The following GLP2R variants were observed in gnomAD, a reference collection of about 807,000 sequenced individuals.
The protein encoded by GLP2R is glucagon like peptide 2 receptor, also known as glucagon-like peptide 2 receptor.
Under a neutral mutation model 68.2 loss-of-function variants are expected in GLP2R, and 59 were observed. The observed-to-expected ratio is 0.87, with a 90% CI of 0.70 to 1.07. The LOEUF is 1.07. Among genes scored for constraint, GLP2R ranks in the 50% least tolerant of loss-of-function variants. The pLI, the probability that GLP2R is intolerant of heterozygous loss-of-function variation, is 0.00. For synonymous variants in GLP2R, 270 were observed against 265.4 expected (o/e 1.02, Z -0.17); for missense variants, 548 against 677.4 (o/e 0.81, Z 2.12).
Position 9,861,183 on chromosome 17 carries a change from C to A in GLP2R, c.970C>A (p.His324Asn). 1 of 1,612,080 alleles carries A rather than the reference C, an allele frequency of 6.2e-7. No individual in the cohort carries two copies. The highest frequency in any genetic ancestry group is 8.5e-7 in the Non-Finnish European group (1 of 1,178,190). The stretch of plus-strand genomic sequence containing the variant: ...TGTACCCTGGGGTTTCGCCCGTGCA[C>A]ACCTGGAGAACACAGGGTAGGTAAT... The part of the protein sequence containing the change: ...FVVPWGFARA[H>N]LENTGCWTTN... Residue 324 changes from histidine (H) to asparagine (N), a missense_variant, in exon 8 of 13, where the codon CAC (histidine) becomes AAC (asparagine). Physicochemically the swap from His to Asn is moderately conservative, Grantham distance 68. Coordinates refer to ENST00000262441, the MANE Select transcript of GLP2R (RefSeq NM_004246.3).
chr17:9,857,559 A>T lies in GLP2R; in HGVS notation c.748A>T (p.Met250Leu), dbSNP rs1316442721. ...SKRPDNENGWMSYLSEMSTSC... is the reference protein window; with the variant it reads ...SKRPDNENGWLSYLSEMSTSC... ...GAGGCCTGACAATGAGAATGGGTGG[A>T]TGTCCTACCTGTCAGAGGTAATCCC... is the stretch of plus-strand genomic sequence containing the variant. The change falls in exon 6 of 13, where the codon ATG (methionine) becomes TTG (leucine). Residue 250 changes from methionine to leucine, a missense_variant. Coordinates refer to ENST00000262441, the MANE Select transcript of GLP2R (RefSeq NM_004246.3). The T allele has an allele frequency of 1.2e-6, 2 of 1,614,056 alleles. No individual in the cohort carries two copies. Among genetic ancestry groups the T allele is most frequent in the African/African-American group, 1.3e-5 (1 of 74,922 alleles).
chr17:9,884,078 A>G (rs977146213), intron 11 of GLP2R, among the ~76,000 whole-genome samples: 1 of 152,230 alleles, frequency 6.6e-6, no homozygotes, highest in Admixed American at 6.5e-5. Flanking sequence ...ATATATGACA[A>G]GAATATCACA....
intron 4 of GLP2R, among the ~76,000 whole-genome samples, chr17:9,850,019 A>G (rs1156666702): frequency 6.6e-6 from 1 of 152,154 alleles, no homozygotes; most frequent in Non-Finnish European, 1.5e-5. Context: ...TAGAAGTGGG[A>G]TCACTGGATT....
In GLP2R at chr17:9,890,325, T is replaced by C. The variant is rs866316130; in HGVS notation, c.*620T>C. 7 of 312,036 alleles carry C rather than the reference T, an allele frequency of 2.2e-5. No individual in the cohort carries two copies. The highest frequency in any genetic ancestry group is 1.5e-4 in the African/African-American group (7 of 45,512). The allele number at this position is 312,036 out of a possible 1,614,324, so 19.3% of individuals were successfully genotyped here. On this transcript the variant is annotated 3_prime_UTR_variant, in exon 13 of 13. Transcript: ENST00000262441. ...GCAAGAGACAGTCTGCTCTCCCAGG[T>C]CAGCTGGGGTGTGCCTGCCCTCCTT...
intron 4 of GLP2R, among the ~76,000 whole-genome samples, chr17:9,845,800 C>CA (rs2066832567): frequency 6.7e-6 from 1 of 148,970 alleles, no homozygotes; most frequent in South Asian, 2.1e-4. Flanking sequence ...TTTCAAAAGC[C>CA]AAAAACCTAG....
chr17:9,889,608 C>A lies in GLP2R; in HGVS notation c.1565C>A (p.Ala522Glu), dbSNP rs778041025. 4 of 1,613,768 alleles carry A rather than the reference C, an allele frequency of 2.5e-6. No individual in the cohort carries two copies. The African/African-American group carries it at 5.3e-5, about 22-fold the overall frequency. ...GGCGCCCAGCCCCAACAGGACCATG[C>A]ACGCTGGCCCCGGGGCAGCAGCCTG... ...ELGAQPQQDH[A>E]RWPRGSSLSE... Residue 522 changes from alanine to glutamate, a missense_variant, in exon 13 of 13, where the codon GCA becomes GAA. Transcript: ENST00000262441.
chr17:9,843,840 C>T (rs747431028), intron 4 of GLP2R, among the ~76,000 whole-genome samples: 2 of 152,170 alleles, frequency 1.3e-5, no homozygotes, highest in Non-Finnish European at 2.9e-5. Context: ...GAAGCATATA[C>T]GATGGGTTAG....
intron 5 of GLP2R, 108 bp from the exon 6 acceptor site, chr17:9,857,315 C>T (rs2152038637): frequency 1.1e-6 from 1 of 951,984 alleles, no homozygotes; most frequent in Admixed American, 2.1e-5. Context: ...GCAGCCTATA[C>T]TATGACCCTC....
chr17:9,848,507 T>C (rs1597384872), intron 4 of GLP2R, among the ~76,000 whole-genome samples: 1 of 152,178 alleles, frequency 6.6e-6, no homozygotes, highest in South Asian at 2.1e-4. Context: ...ACCACAAGTG[T>C]GCGGACACAG....
intron 10 of GLP2R, 46 bp downstream of exon 10, chr17:9,870,881 G>A: frequency 2.3e-6 from 2 of 878,720 alleles, no homozygotes; most frequent in South Asian, 1.3e-5. Flanking sequence ...GTTATTGTAA[G>A]TACTCTGGCT....
intron 2 of GLP2R, chr17:9,834,443 C>G (rs2066708645): frequency 6.2e-6 from 1 of 162,240 alleles, no homozygotes; most frequent in Non-Finnish European, 1.4e-5. Context: ...TCCCATCTCC[C>G]AGGGCATTAA....
intron 1 of GLP2R, among the ~76,000 whole-genome samples, chr17:9,832,493 C>T (rs1223788018): frequency 2.0e-5 from 3 of 152,096 alleles, no homozygotes; most frequent in Non-Finnish European, 4.4e-5. Context: ...ACCCAGGAGG[C>T]GGAGGTTGCA....
chr17:9,857,955 C>T (rs983477890), intron 6 of GLP2R, among the ~76,000 whole-genome samples: 14 of 152,226 alleles, frequency 9.2e-5, no homozygotes, highest in Non-Finnish European at 1.8e-4. Context: ...AGGGTGATTG[C>T]GTCTGACCTG....
At chr17:9,864,196 A>G (rs7222926) in intron 9 of GLP2R, among the ~76,000 whole-genome samples, 1 of 152,026 alleles carries the variant, frequency 6.6e-6, no homozygotes, top group Non-Finnish European at 1.5e-5. Context: ...TGTTGCTACA[A>G]CCTTGCTTTT....
At position 9,836,368 on chromosome 17, in the gene GLP2R, T is replaced by G; in HGVS notation, c.278-3T>G. ...GTTTATCAGACCCTTCTTCTCTCTG[T>G]AGGCATATTTTGTAACGGGACATTT... On this transcript the variant is annotated splice_polypyrimidine_tract_variant and splice_region_variant and intron_variant, in intron 2 of 12. Coordinates refer to ENST00000262441, the MANE Select transcript of GLP2R (RefSeq NM_004246.3). 6.3e-7 allele frequency: 1 copy of G among 1,582,246 alleles called. No homozygotes were observed. Among genetic ancestry groups the G allele is most frequent in the Non-Finnish European group, 8.7e-7 (1 of 1,150,938 alleles).
intron 1 of GLP2R, among the ~76,000 whole-genome samples, chr17:9,833,133 C>T (rs1032426005): frequency 1.3e-5 from 2 of 151,668 alleles, no homozygotes; most frequent in African/African-American, 4.8e-5. Flanking sequence ...CACGGTGGTG[C>T]GCACCTGTAG....
At position 9,833,886 on chromosome 17, in the gene GLP2R, A is replaced by AAGG. The variant is rs1382172011; in HGVS notation, c.270_271insGGA (p.Glu90_Pro91insGly). 1.2e-6 allele frequency: 2 copies of AAGG among 1,605,804 alleles called. No homozygotes were observed. The highest frequency in any genetic ancestry group is 1.7e-6 in the Non-Finnish European group (2 of 1,172,466). The stretch of plus-strand genomic sequence containing the variant: ...GCATGTCTGAGAGACTTACTCAAGG[A>AAGG]ACCTTCTGGTAAGCATGTGTATTAG... On this transcript the variant is annotated inframe_insertion, in exon 2 of 13. Coordinates refer to ENST00000262441, the MANE Select transcript of GLP2R (RefSeq NM_004246.3).
intron 5 of GLP2R, among the ~76,000 whole-genome samples, chr17:9,856,603 T>G (rs2066935681): frequency 6.6e-6 from 1 of 152,166 alleles, no homozygotes; most frequent in Non-Finnish European, 1.5e-5. Context: ...GGACACTTAC[T>G]TATGTGCACA....
At chr17:9,828,261 G>T (rs2066650222) in intron 1 of GLP2R, among the ~76,000 whole-genome samples, 1 of 152,216 alleles carries the variant, frequency 6.6e-6, no homozygotes, top group Admixed American at 6.5e-5. Context: ...CATCTTGGCA[G>T]CCTCTCCCCC....
Sources: allele counts gnomAD v4.1 joint callset (sites outside exome capture counted in the v4.1 genomes callset), GRCh38; gene constraint gnomAD v4.1.1; transcripts MANE v1.5; gene names NCBI Gene and HGNC (gene_info 2026-07-23, HGNC 2026-07-21).